The following RAP1GAP2 variants were observed in gnomAD, a reference collection of about 807,000 sequenced individuals.
RAP1GAP2 encodes the protein RAP1 GTPase activating protein 2.
Under a neutral mutation model 95.0 loss-of-function variants are expected in RAP1GAP2, and 27 were observed. The ratio of observed to expected loss-of-function variants is 0.28; its 90% CI spans 0.21 to 0.39. The LOEUF (loss-of-function observed/expected upper bound fraction) is 0.39. RAP1GAP2 is among the 10% of genes least tolerant of loss of function. The pLI is 1.00. For missense variants in RAP1GAP2, 771 were observed against 970.0 expected (o/e 0.79, Z 2.72); for synonymous variants, 373 against 380.9 (o/e 0.98, Z 0.24).
chr17:2,980,004 A>C (rs923676443), intron 8 of RAP1GAP2, among the ~76,000 whole-genome samples: 3 of 151,028 alleles, frequency 2.0e-5, no homozygotes, highest in African/African-American at 7.3e-5. Flanking sequence ...GCAGTGGTAC[A>C]ATCTCGACTC....
intron 3 of RAP1GAP2, among the ~76,000 whole-genome samples, chr17:2,925,601 G>T (rs1428474341): frequency 2.6e-5 from 4 of 152,158 alleles, no homozygotes; most frequent in Non-Finnish European, 4.4e-5. Context: ...CTTTGCCAGG[G>T]TAAGCTGAAA....
In RAP1GAP2 at chr17:2,866,519, C is replaced by A. The variant is rs2072618747; in HGVS notation, c.81-38765C>A. 6.6e-6 allele frequency among the ~76,000 whole-genome samples: 1 copy of A among 152,244 alleles called. No homozygotes were observed. The highest frequency in any genetic ancestry group is 1.5e-5 in the Non-Finnish European group (1 of 68,042). On this transcript the variant is annotated intron_variant, in intron 2 of 24. Transcript: ENST00000254695. This position sits in a 1 kb window ranked among gnomAD's most constrained non-coding sequence, Gnocchi z 4.0. ...ATTTTTATTAAATAGAGGTTTGGGG[C>A]CCAAGGGCCTTTGTGTTGGTGAGGC...
intron 4 of RAP1GAP2, among the ~76,000 whole-genome samples, chr17:2,958,399 C>T (rs2044197076): frequency 6.6e-6 from 1 of 151,948 alleles, no homozygotes. Flanking sequence ...GGTCAGGGCT[C>T]CCAGGTAAGA....
At chr17:2,851,696 G>A (rs979022063) in intron 2 of RAP1GAP2, among the ~76,000 whole-genome samples, 1 of 152,146 alleles carries the variant, frequency 6.6e-6, no homozygotes, top group African/African-American at 2.4e-5. Context: ...ATGAATAATG[G>A]AACCTGCATG....
chr17:3,007,927 G>A, intron 16 of RAP1GAP2, 84 bp from the exon 17 acceptor site: 1 of 1,503,122 alleles, frequency 6.7e-7, no homozygotes. Context: ...TCAGCCTCCA[G>A]GCCAGGTGTC....
intron 17 of RAP1GAP2, among the ~76,000 whole-genome samples, chr17:3,011,290 C>T (rs967103046): frequency 1.9e-4 from 29 of 152,164 alleles, no homozygotes; most frequent in African/African-American, 4.6e-4. Context: ...CTGTCCCTTT[C>T]GTCATTGCCC....
chr17:2,763,163 G>A (rs2068214826), intron 1 of RAP1GAP2, among the ~76,000 whole-genome samples: 1 of 152,144 alleles, frequency 6.6e-6, no homozygotes, highest in South Asian at 2.1e-4. Flanking sequence ...TATTTTCTAC[G>A]TTAACAAGTT....
Position 2,817,064 on chromosome 17 carries a change from T to G in RAP1GAP2, c.80+16514T>G. Among the ~76,000 whole-genome samples the G allele has an allele frequency of 1.9e-5, 2 of 106,692 alleles. 1 individual carries two copies. 70.0% of individuals were successfully genotyped at this position (106,692 alleles called of 152,430 possible). A position where few individuals can be genotyped will look rare whatever the true frequency, so the allele number is the denominator to read the frequency against. On this transcript the variant is annotated intron_variant, in intron 2 of 24. Transcript: ENST00000254695. ...TTGCCGTGGTATGATCTTGGCTCAC[T>G]GCAGCCTCCACTTCCCAGGCTCAAG...
At chr17:2,996,347 G>A (rs925137038) in intron 13 of RAP1GAP2, among the ~76,000 whole-genome samples, 2 of 152,186 alleles carry the variant, frequency 1.3e-5, no homozygotes, top group East Asian at 1.9e-4. Context: ...CCCCCAGCCT[G>A]CCTTCTGCCC....
chr17:2,798,870 T>C (rs1318989482), intron 1 of RAP1GAP2, among the ~76,000 whole-genome samples: 4 of 152,118 alleles, frequency 2.6e-5, no homozygotes, highest in Non-Finnish European at 5.9e-5. Flanking sequence ...CTGTAGGTGG[T>C]GCGGTGGGCG....
Position 2,866,079 on chromosome 17 carries a change from C to T in RAP1GAP2, c.81-39205C>T, listed in dbSNP as rs894693927. 1.3e-5 allele frequency among the ~76,000 whole-genome samples: 2 copies of T among 152,132 alleles called. No homozygotes were observed. Among genetic ancestry groups the T allele is most frequent in the Admixed American group, 1.3e-4 (2 of 15,280 alleles). On this transcript the variant is annotated intron_variant, in intron 2 of 24. Coordinates refer to ENST00000254695, the MANE Select transcript of RAP1GAP2 (RefSeq NM_015085.5). This position sits in a 1 kb window ranked among gnomAD's most constrained non-coding sequence, Gnocchi z 4.0. ...AAGAGGTGCAGGGAGCCCTGGAGGT[C>T]AGAAGAAAGGGGGACCGCCCAAGGA...
intron 1 of RAP1GAP2, among the ~76,000 whole-genome samples, chr17:2,767,359 T>TAAAAAAA (rs397857982): frequency 1.9e-5 from 1 of 53,710 alleles, no homozygotes; most frequent in African/African-American, 7.1e-5. Context: ...GAGACTCTGT[T>TAAAAAAA]AAAAAAAAAA....
At chr17:3,019,596 A>T (rs1458649059) in intron 18 of RAP1GAP2, among the ~76,000 whole-genome samples, 1 of 152,208 alleles carries the variant, frequency 6.6e-6, no homozygotes, top group Admixed American at 6.5e-5. Flanking sequence ...ATAGCAGAAC[A>T]TACTCACCAT....
chr17:2,912,854 G>A (rs1399718779), intron 3 of RAP1GAP2, among the ~76,000 whole-genome samples: 1 of 152,150 alleles, frequency 6.6e-6, no homozygotes, highest in Non-Finnish European at 1.5e-5. Flanking sequence ...GCTACTGAGG[G>A]TGAGGATGCT....
At chr17:2,886,189 T>TGAGCCGGAGTCTCGC (rs2073498739) in intron 2 of RAP1GAP2, among the ~76,000 whole-genome samples, 1 of 126,814 alleles carries the variant, frequency 7.9e-6, no homozygotes, top group Non-Finnish European at 1.7e-5. Flanking sequence ...TTTTTTTTTT[T>TGAGCCGGAGTCTCGC]TGAGCCGGAG....
chr17:2,792,090 C>A (rs1405863287), upstream of RAP1GAP2, among the ~76,000 whole-genome samples: 1 of 111,644 alleles, frequency 9.0e-6, no homozygotes, highest in Non-Finnish European at 2.1e-5. Flanking sequence ...GAACTCCTGA[C>A]CTCAGGTGAT....
At chr17:2,793,474 C>T (rs938063659), upstream of RAP1GAP2, among the ~76,000 whole-genome samples, 3 of 152,198 alleles carry the variant, frequency 2.0e-5, no homozygotes, top group Admixed American at 6.5e-5. Context: ...ATTCTTGCAA[C>T]GTATGCAACA....
intron 8 of RAP1GAP2, among the ~76,000 whole-genome samples, chr17:2,973,465 G>A (rs1345102096): frequency 6.6e-6 from 1 of 151,666 alleles, no homozygotes; most frequent in Admixed American, 6.6e-5. Context: ...GCAGTGAGCC[G>A]AGATCACACC....
At chr17:2,769,355 A>G (rs2068344372) in intron 1 of RAP1GAP2, among the ~76,000 whole-genome samples, 1 of 149,276 alleles carries the variant, frequency 6.7e-6, no homozygotes, top group Admixed American at 6.7e-5. Context: ...GGAGATCGAG[A>G]CCATCCTGGC....
Sources: allele counts gnomAD v4.1 joint callset (sites outside exome capture counted in the v4.1 genomes callset), GRCh38; gene constraint gnomAD v4.1.1; non-coding constraint Gnocchi (gnomAD v3.1); transcripts MANE v1.5; gene names NCBI Gene and HGNC (gene_info 2026-07-23, HGNC 2026-07-21).